Variants in ZFAND3 observed in about 807,000 individuals in gnomAD.
ZFAND3 encodes the protein AN1-type zinc finger protein 3.
ZFAND3 carries 10 observed loss-of-function variants against 29.6 expected under a neutral mutation model. That is an observed-to-expected ratio of 0.34 (90% CI 0.21 to 0.57). The LOEUF is 0.57. Ranked by LOEUF, ZFAND3 falls within the 20% of genes least tolerant of loss-of-function variation. The pLI, the probability that ZFAND3 is intolerant of heterozygous loss-of-function variation, is 0.86. For synonymous variants in ZFAND3, 128 were observed against 112.6 expected (o/e 1.14, Z -0.87); for missense variants, 230 against 304.5 (o/e 0.76, Z 1.82).
chr6:38,000,769 A>G (rs536209937), intron 2 of ZFAND3, among the ~76,000 whole-genome samples: 11 of 152,346 alleles, frequency 7.2e-5, no homozygotes, highest in Admixed American at 2.6e-4. Context: ...CTAAAAGACA[A>G]AAAGAAAAGA....
chr6:37,839,213 C>T (rs1385937593), intron 1 of ZFAND3, among the ~76,000 whole-genome samples: 1 of 150,074 alleles, frequency 6.7e-6, no homozygotes. Flanking sequence ...CAGAGTCTTA[C>T]TCTGTCGCCC....
chr6:37,975,295 A>C (rs1762459855), intron 2 of ZFAND3, among the ~76,000 whole-genome samples: 2 of 152,054 alleles, frequency 1.3e-5, no homozygotes, highest in Non-Finnish European at 2.9e-5. Context: ...CAACCGTTGA[A>C]ATTTTTTTGC....
rs938894473 is a variant in ZFAND3, at chr6:38,154,288, C to T, written c.*1899C>T. 1.0e-6 allele frequency: 1 copy of T among 985,240 alleles called. No homozygotes were observed. Among genetic ancestry groups the T allele is most frequent in the Non-Finnish European group, 1.2e-6 (1 of 829,964 alleles). 61.0% of individuals were successfully genotyped at this position (985,240 alleles called of 1,614,324 possible). On this transcript the variant is annotated 3_prime_UTR_variant, in exon 6 of 6. Transcript: ENST00000287218. ...CAGGGCCCCCCGCCCCCTCCTCTGC[C>T]TGCTGCGTGGAGGCAGCCATGGGAA...
At chr6:38,098,739 T>TGA (rs956821562) in intron 4 of ZFAND3, among the ~76,000 whole-genome samples, 4 of 152,106 alleles carry the variant, frequency 2.6e-5, no homozygotes, top group African/African-American at 9.7e-5. Flanking sequence ...CCTGACATCG[T>TGA]GATCCGCCTG....
intron 2 of ZFAND3, among the ~76,000 whole-genome samples, chr6:38,023,126 T>C (rs2127448120): frequency 6.6e-6 from 1 of 152,354 alleles, no homozygotes; most frequent in Non-Finnish European, 1.5e-5. Context: ...CAATACACTC[T>C]AACCATGAAT....
rs201590748 is a variant in ZFAND3 at position 37,857,461 on chromosome 6, GA to G, written c.71+37455del. Among the ~76,000 whole-genome samples the G allele has an allele frequency of 5.8e-4, 86 of 148,892 alleles. 1 individual carries two copies. Among genetic ancestry groups the G allele is most frequent in the African/African-American group, 1.2e-3 (47 of 40,734 alleles). ...GGGAATAAAAGTATCTATTTTTAAA[GA>G]AAAAAAAAATTAGAGGCCCAGCAAA... is the stretch of plus-strand genomic sequence containing the variant. On this transcript the variant is annotated intron_variant, in intron 1 of 5. Coordinates refer to ENST00000287218, the MANE Select transcript of ZFAND3 (RefSeq NM_021943.3).
chr6:38,060,108 G>A (rs1259333377), intron 2 of ZFAND3, among the ~76,000 whole-genome samples: 1 of 152,040 alleles, frequency 6.6e-6, no homozygotes, highest in African/African-American at 2.4e-5. Context: ...TTGAAAATAC[G>A]GGATGCTAAA....
chr6:38,089,841 C>T (rs1417486376), intron 4 of ZFAND3, among the ~76,000 whole-genome samples: 2 of 152,102 alleles, frequency 1.3e-5, no homozygotes, highest in African/African-American at 4.8e-5. Context: ...TCACATCTTC[C>T]TCTGCTCTGT....
Position 38,153,948 on chromosome 6 carries a change from A to G in ZFAND3, c.*1559A>G. The G allele has an allele frequency of 2.0e-6, 2 of 985,446 alleles. No homozygotes were observed. The highest frequency in any genetic ancestry group is 2.4e-6 in the Non-Finnish European group (2 of 829,934). The allele number at this position is 985,446 out of a possible 1,614,324, so 61.0% of individuals were successfully genotyped here. A position where few individuals can be genotyped will look rare whatever the true frequency, so the allele number is the denominator to read the frequency against. ...GGTTCAACTCTGTCTGCAAATTAAC[A>G]GCTGAACACCTGCAACTGCAAATGT... On this transcript the variant is annotated 3_prime_UTR_variant, in exon 6 of 6. Transcript: ENST00000287218.
At chr6:38,106,705 G>A (rs73421822) in intron 4 of ZFAND3, among the ~76,000 whole-genome samples, 10,391 of 151,682 alleles carry the variant, frequency 0.069, 427 homozygotes, top group Non-Finnish European at 0.087. Context: ...GTGTGTATAT[G>A]TGTATGTGTA....
At chr6:37,890,695 A>G (rs1765079681) in intron 1 of ZFAND3, among the ~76,000 whole-genome samples, 1 of 152,228 alleles carries the variant, frequency 6.6e-6, no homozygotes, top group African/African-American at 2.4e-5. Context: ...AATTGTTGCT[A>G]ATTCACAAAA....
At chr6:37,822,153 G>A (rs1354735561) in intron 1 of ZFAND3, among the ~76,000 whole-genome samples, 3 of 152,156 alleles carry the variant, frequency 2.0e-5, no homozygotes, top group East Asian at 3.9e-4. Flanking sequence ...ACCTTTAGCC[G>A]GTAGGGTTCT....
At chr6:37,863,582 T>C (rs912643602) in intron 1 of ZFAND3, among the ~76,000 whole-genome samples, 6 of 152,220 alleles carry the variant, frequency 3.9e-5, no homozygotes, top group African/African-American at 1.4e-4. Context: ...TTTAGTGTTA[T>C]TGCTTAACAG....
intron 1 of ZFAND3, among the ~76,000 whole-genome samples, chr6:37,919,827 G>A (rs548370262): frequency 6.6e-6 from 1 of 152,252 alleles, no homozygotes; most frequent in African/African-American, 2.4e-5. Flanking sequence ...TTGTAACCAT[G>A]ACAAAGTATC....
chr6:37,908,536 A>G (rs1765451531), intron 1 of ZFAND3, among the ~76,000 whole-genome samples: 2 of 86,276 alleles, frequency 2.3e-5, no homozygotes, highest in Non-Finnish European at 5.2e-5. Flanking sequence ...AATTAAAAAA[A>G]AAAATTAAAA....
intron 5 of ZFAND3, among the ~76,000 whole-genome samples, chr6:38,131,629 G>T (rs574330787): frequency 6.6e-6 from 1 of 152,084 alleles, no homozygotes; most frequent in Non-Finnish European, 1.5e-5. Context: ...ATACCTTTTG[G>T]GTGTGTAACA....
At chr6:37,835,049 C>A (rs983492729) in intron 1 of ZFAND3, among the ~76,000 whole-genome samples, 2 of 152,156 alleles carry the variant, frequency 1.3e-5, no homozygotes, top group Non-Finnish European at 2.9e-5. Context: ...CAAAATAGAG[C>A]ATCTTTTTTC....
intron 1 of ZFAND3, among the ~76,000 whole-genome samples, chr6:37,892,074 A>G (rs557650572): frequency 6.6e-6 from 1 of 152,338 alleles, no homozygotes; most frequent in Admixed American, 6.5e-5. Flanking sequence ...TCTCCAGTAT[A>G]GACAACGTAG....
At chr6:38,091,111 A>G (rs1158792690) in intron 4 of ZFAND3, among the ~76,000 whole-genome samples, 2 of 152,206 alleles carry the variant, frequency 1.3e-5, no homozygotes, top group Admixed American at 6.5e-5. Context: ...GTCAAGAGGA[A>G]TTTTTGCACT....
Sources: gnomAD v4.1 joint callset for allele counts (sites outside exome capture counted in the v4.1 genomes callset) on GRCh38, gnomAD v4.1.1 for gene constraint, MANE v1.5 for transcripts, NCBI Gene and HGNC (gene_info 2026-07-23, HGNC 2026-07-21) for gene names.